NOVA1: variants seen among roughly 807,000 people sequenced by gnomAD.
NOVA1 encodes RNA-binding protein Nova-1.
Under a neutral mutation model 38.0 loss-of-function variants are expected in NOVA1, and 7 were observed. The observed-to-expected ratio is 0.18, with a 90% CI of 0.10 to 0.35. NOVA1 has a LOEUF of 0.35. NOVA1 is among the 10% of genes least tolerant of loss of function. NOVA1 has a pLI of 1.00. For missense variants in NOVA1, 460 were observed against 616.0 expected (o/e 0.75, Z 2.68); for synonymous variants, 270 against 232.5 (o/e 1.16, Z -1.47).
chr14:26,561,904 C>G (rs1182136641), intron 2 of NOVA1, among the ~76,000 whole-genome samples: 2 of 152,066 alleles, frequency 1.3e-5, no homozygotes, highest in Non-Finnish European at 2.9e-5. Flanking sequence ...CTAGTTCAGT[C>G]AGTAAATGCC....
intron 2 of NOVA1, among the ~76,000 whole-genome samples, chr14:26,519,915 G>T (rs1888750591): frequency 6.6e-6 from 1 of 151,476 alleles, no homozygotes; most frequent in East Asian, 1.9e-4. Context: ...ATGAAGAATG[G>T]GGTACATTTT....
chr14:26,468,897 G>A (rs1475194892), intron 4 of NOVA1, among the ~76,000 whole-genome samples: 1 of 151,928 alleles, frequency 6.6e-6, no homozygotes, highest in Non-Finnish European at 1.5e-5. Flanking sequence ...AAAATTCCAG[G>A]AGAGCTAACA....
intron 2 of NOVA1, among the ~76,000 whole-genome samples, chr14:26,531,901 A>T (rs1202801804): frequency 6.6e-6 from 1 of 152,232 alleles, no homozygotes; most frequent in African/African-American, 2.4e-5. Context: ...AATAGAGACA[A>T]CCAAAGGTTT....
Position 26,457,244 on chromosome 14 carries a change from T to C in NOVA1, c.520-8281A>G, listed in dbSNP as rs180853213. Among the ~76,000 whole-genome samples the C allele has an allele frequency of 2.7e-3, 404 of 152,220 alleles. 1 individual carries two copies. Among genetic ancestry groups the C allele is most frequent in the African/African-American group, 9.2e-3 (382 of 41,564 alleles). On this transcript the variant is annotated intron_variant, in intron 4 of 4. Coordinates refer to ENST00000539517, the MANE Select transcript of NOVA1 (RefSeq NM_002515.3). ...CTGGAATTTATTGCACAATTATTTATTGAGTGGCTACTACGTGCCAGGTAT... is the reference window on the plus strand; with the variant it reads ...CTGGAATTTATTGCACAATTATTTACTGAGTGGCTACTACGTGCCAGGTAT...
chr14:26,581,078 G>A (rs1402310224), intron 2 of NOVA1, among the ~76,000 whole-genome samples: 1 of 152,002 alleles, frequency 6.6e-6, no homozygotes. Context: ...ACATTACGCA[G>A]ATAAAAAACT....
chr14:26,549,699 G>C, intron 2 of NOVA1: 1 of 1,284,656 alleles, frequency 7.8e-7, no homozygotes, highest in Non-Finnish European at 1.0e-6. Context: ...AGTACTCCTA[G>C]TCAGTTTCAC....
At chr14:26,515,042 T>C (rs1888364639) in intron 2 of NOVA1, among the ~76,000 whole-genome samples, 1 of 151,912 alleles carries the variant, frequency 6.6e-6, no homozygotes. Context: ...TTTCTTCCAG[T>C]GTCTCTACAA....
intron 4 of NOVA1, among the ~76,000 whole-genome samples, chr14:26,470,664 T>C (rs1458379919): frequency 2.0e-5 from 3 of 152,132 alleles, no homozygotes; most frequent in African/African-American, 7.2e-5. Context: ...TAAACTAAAA[T>C]ATATAATTTG....
intron 2 of NOVA1, among the ~76,000 whole-genome samples, chr14:26,558,168 C>T (rs1341789615): frequency 6.6e-6 from 1 of 151,658 alleles, no homozygotes; most frequent in Non-Finnish European, 1.5e-5. Flanking sequence ...TTTCTTTTTA[C>T]AAATCTTATA....
rs1248781827 is a variant in NOVA1, at chr14:26,443,351, CA to C, written c.*4607del. 2 of 151,780 alleles carry C rather than the reference CA, an allele frequency of 1.3e-5. No homozygotes were observed. Among genetic ancestry groups the C allele is most frequent in the Non-Finnish European group, 2.9e-5 (2 of 67,850 alleles). The allele number at this position is 151,780 out of a possible 1,614,324, so 9.4% of individuals were successfully genotyped here. A position where few individuals can be genotyped will look rare whatever the true frequency, so the allele number is the denominator to read the frequency against. On this transcript the variant is annotated 3_prime_UTR_variant, in exon 5 of 5. Transcript: ENST00000539517. ...TTTTTCCTTAAAAAAATAATCTAATCAAAATATTGAATACTTTAGAATTAAA... is the reference window on the plus strand; with the variant it reads ...TTTTTCCTTAAAAAAATAATCTAATCAAATATTGAATACTTTAGAATTAAA...
At chr14:26,588,186 TA>T (rs1008255524) in intron 2 of NOVA1, among the ~76,000 whole-genome samples, 68 of 139,906 alleles carry the variant, frequency 4.9e-4, no homozygotes, top group Middle Eastern at 3.6e-3. Context: ...ACAAGGAAGG[TA>T]AAAAAAAAAA....
rs1377409833 is a variant in NOVA1, at chr14:26,475,167, T to C, written c.448-2776A>G. 7.9e-5 allele frequency among the ~76,000 whole-genome samples: 12 copies of C among 152,196 alleles called. No individual in the cohort carries two copies. The South Asian group carries it at 2.3e-3, about 29-fold the overall frequency. ...TGTGCAATATAAATGTACAAGTTGT[T>C]TATTTCCTTAATATTTTATTATATT... On this transcript the variant is annotated intron_variant, in intron 3 of 4. Coordinates refer to ENST00000539517, the MANE Select transcript of NOVA1 (RefSeq NM_002515.3).
chr14:26,560,903 A>G (rs1313594057), intron 2 of NOVA1, among the ~76,000 whole-genome samples: 1 of 152,164 alleles, frequency 6.6e-6, no homozygotes, highest in Non-Finnish European at 1.5e-5. Context: ...ACCAATGTTG[A>G]ATTTAATATA....
At chr14:26,569,868 T>G (rs1053003604) in intron 2 of NOVA1, among the ~76,000 whole-genome samples, 10 of 152,200 alleles carry the variant, frequency 6.6e-5, no homozygotes, top group Non-Finnish European at 1.3e-4. Flanking sequence ...ACTTTCACTA[T>G]CATAAATAAA....
chr14:26,572,468 A>G (rs896029531), intron 2 of NOVA1, among the ~76,000 whole-genome samples: 11 of 152,220 alleles, frequency 7.2e-5, no homozygotes, highest in African/African-American at 2.7e-4. Context: ...CAGTACATAC[A>G]GATTGAGCAT....
At chr14:26,580,072 C>T (rs950176849) in intron 2 of NOVA1, among the ~76,000 whole-genome samples, 1 of 151,434 alleles carries the variant, frequency 6.6e-6, no homozygotes, top group African/African-American at 2.4e-5. Context: ...CTAAAAAAAT[C>T]TTACTAACAG....
chr14:26,582,695 C>G (rs1441261773), intron 2 of NOVA1, among the ~76,000 whole-genome samples: 6 of 151,718 alleles, frequency 4.0e-5, no homozygotes, highest in Non-Finnish European at 7.4e-5. Context: ...CTAATCTTGA[C>G]AAACTTCAGA....
intron 2 of NOVA1, among the ~76,000 whole-genome samples, chr14:26,560,474 A>G (rs1288610846): frequency 6.6e-6 from 1 of 152,152 alleles, no homozygotes; most frequent in African/African-American, 2.4e-5. Flanking sequence ...AGCTTAAGGG[A>G]TAAAATTGCC....
At chr14:26,522,505 T>C (rs987867990) in intron 2 of NOVA1, among the ~76,000 whole-genome samples, 4 of 152,142 alleles carry the variant, frequency 2.6e-5, no homozygotes, top group Admixed American at 6.5e-5. Flanking sequence ...GTTGAATTCA[T>C]TGTAAACGTT....
Sources: allele counts gnomAD v4.1 joint callset (sites outside exome capture counted in the v4.1 genomes callset), GRCh38; gene constraint gnomAD v4.1.1; transcripts MANE v1.5; gene names NCBI Gene and HGNC (gene_info 2026-07-23, HGNC 2026-07-21).